Variants in SNX9 observed in about 807,000 individuals in gnomAD.
SNX9 encodes the protein sorting nexin 9, also known as sorting nexin-9.
Under a neutral mutation model 89.4 loss-of-function variants are expected in SNX9, and 44 were observed. That is an observed-to-expected ratio of 0.49 (90% CI 0.39 to 0.63). The LOEUF is 0.63. Ranked by LOEUF, SNX9 falls within the 30% of genes least tolerant of loss-of-function variation. The pLI, the probability that SNX9 is intolerant of heterozygous loss-of-function variation, is 0.00. For missense variants in SNX9, 578 were observed against 736.1 expected (o/e 0.79, Z 2.49); for synonymous variants, 236 against 247.8 (o/e 0.95, Z 0.45).
intron 1 of SNX9, 67 bp from the exon 2 acceptor site, chr6:157,867,480 C>CTGT: frequency 3.9e-6 from 5 of 1,288,772 alleles, no homozygotes; most frequent in South Asian, 1.3e-5. Flanking sequence ...GTGAACTGTA[C>CTGT]ACCTTTTGTG....
At chr6:157,883,683 AC>A (rs1199885414) in intron 4 of SNX9, among the ~76,000 whole-genome samples, 40 of 152,220 alleles carry the variant, frequency 2.6e-4, no homozygotes, top group African/African-American at 9.6e-4. Flanking sequence ...ATGCTGTCTC[AC>A]CTTTTATTTG....
In SNX9 at chr6:157,942,998, C is replaced by T. The variant is rs1784074369; in HGVS notation, c.*160C>T. On this transcript the variant is annotated 3_prime_UTR_variant, in exon 18 of 18. Transcript: ENST00000392185. ...TTTATTTTATTAGCCACCCTAAATG[C>T]GTCAGTTATTTAGGGATGGTCTTTT... 5.0e-6 allele frequency: 3 copies of T among 601,144 alleles called. No individual in the cohort carries two copies. The highest frequency in any genetic ancestry group is 5.0e-5 in the South Asian group (2 of 39,734). The allele number at this position is 601,144 out of a possible 1,614,324, so 37.2% of individuals were successfully genotyped here.
intron 1 of SNX9, among the ~76,000 whole-genome samples, chr6:157,841,721 CAG>C (rs1781706952): frequency 6.6e-6 from 1 of 152,176 alleles, no homozygotes; most frequent in African/African-American, 2.4e-5. Context: ...TCCAGGGTGA[CAG>C]AGCCCTGCTT....
chr6:157,921,778 T>C (rs1337503055), intron 10 of SNX9, 117 bp downstream of exon 10: 1 of 1,183,840 alleles, frequency 8.4e-7, no homozygotes, highest in Non-Finnish European at 1.2e-6. Context: ...CTTCCTCCAG[T>C]GACAGTGAGG....
At chr6:157,879,359 T>A (rs1400779785) in intron 4 of SNX9, among the ~76,000 whole-genome samples, 1 of 152,214 alleles carries the variant, frequency 6.6e-6, no homozygotes, top group Non-Finnish European at 1.5e-5. Flanking sequence ...GATAGAGGTA[T>A]GATTTTTTTA....
intron 1 of SNX9, among the ~76,000 whole-genome samples, chr6:157,853,534 T>C (rs572820722): frequency 7.2e-5 from 11 of 152,224 alleles, no homozygotes; most frequent in Non-Finnish European, 1.5e-4. Flanking sequence ...ACTTTTTCTG[T>C]CTTCCCCTCC....
chr6:157,866,516 T>G (rs7750227), intron 1 of SNX9, among the ~76,000 whole-genome samples: 44,390 of 151,920 alleles, frequency 0.29, 7,515 homozygotes, highest in African/African-American at 0.47. Flanking sequence ...CGAGGCTGCA[T>G]TGACCCATGA....
chr6:157,921,414 C>A, intron 9 of SNX9, 117 bp from the exon 10 acceptor site: 1 of 1,046,194 alleles, frequency 9.6e-7, no homozygotes, highest in Non-Finnish European at 1.3e-6. Context: ...TTACCTTTTG[C>A]TAAATAGCTT....
At chr6:157,832,731 C>A (rs2115105831) in intron 1 of SNX9, among the ~76,000 whole-genome samples, 1 of 152,258 alleles carries the variant, frequency 6.6e-6, no homozygotes, top group South Asian at 2.1e-4. Flanking sequence ...TGTGAGAATT[C>A]ATGAGAACAG....
intron 12 of SNX9, among the ~76,000 whole-genome samples, chr6:157,929,406 C>T (rs1214570047): frequency 6.6e-6 from 1 of 152,218 alleles, no homozygotes; most frequent in African/African-American, 2.4e-5. Context: ...ACTTGTCAGG[C>T]CCTGAAATGC....
intron 2 of SNX9, among the ~76,000 whole-genome samples, chr6:157,870,703 CCTG>C (rs964397689): frequency 3.4e-4 from 51 of 150,378 alleles, no homozygotes; most frequent in Admixed American, 2.4e-3. Context: ...GATAGTCTCA[CCTG>C]CTCTCATACA....
rs1036368200 is a variant in SNX9 at position 157,863,801 on chromosome 6, G to A, written c.13-3746G>A. Among the ~76,000 whole-genome samples, 151 of 152,130 alleles carry A rather than the reference G, an allele frequency of 9.9e-4. 7 individuals are homozygous for A. Among genetic ancestry groups the A allele is most frequent in the Admixed American group, 9.3e-3 (142 of 15,270 alleles). On this transcript the variant is annotated intron_variant, in intron 1 of 17. Coordinates refer to ENST00000392185, the MANE Select transcript of SNX9 (RefSeq NM_016224.5). ...GAAAAGAGGGGTGCTGGGAGATGAC[G>A]CCCAAAAGCTTTCAGTTTAATTGAA...
chr6:157,870,889 G>A (rs73573861), intron 2 of SNX9, among the ~76,000 whole-genome samples: 43 of 146,836 alleles, frequency 2.9e-4, no homozygotes, highest in Non-Finnish European at 5.0e-4. Flanking sequence ...GTGCAAGCAC[G>A]CACACACCCC....
chr6:157,903,814 C>T (rs1783156679), intron 6 of SNX9, among the ~76,000 whole-genome samples: 1 of 152,144 alleles, frequency 6.6e-6, no homozygotes, highest in Non-Finnish European at 1.5e-5. Flanking sequence ...ATCTCGAAAG[C>T]AAGGAGGTTG....
At chr6:157,884,909 A>T (rs1782702553) in intron 4 of SNX9, among the ~76,000 whole-genome samples, 1 of 152,134 alleles carries the variant, frequency 6.6e-6, no homozygotes, top group African/African-American at 2.4e-5. Flanking sequence ...ACCAGCCAGC[A>T]TTGTTATACG....
intron 1 of SNX9, among the ~76,000 whole-genome samples, chr6:157,855,016 T>C (rs7756860): frequency 0.12 from 18,955 of 151,658 alleles, 1,926 homozygotes; most frequent in African/African-American, 0.28. Context: ...GAAAATTCCT[T>C]TCCTATCTCT....
At chr6:157,863,785 G>A (rs2115131697) in intron 1 of SNX9, among the ~76,000 whole-genome samples, 1 of 152,216 alleles carries the variant, frequency 6.6e-6, no homozygotes, top group East Asian at 1.9e-4. Flanking sequence ...AGAAAAGAGG[G>A]GTGCTGGGAG....
chr6:157,903,438 C>G (rs995012966), intron 6 of SNX9, among the ~76,000 whole-genome samples: 1 of 152,134 alleles, frequency 6.6e-6, no homozygotes, highest in Non-Finnish European at 1.5e-5. Flanking sequence ...TATTTTCCTG[C>G]TCAATTGCAT....
intron 1 of SNX9, among the ~76,000 whole-genome samples, chr6:157,834,158 T>G (rs943159429): frequency 1.1e-5 from 1 of 94,804 alleles, no homozygotes; most frequent in Non-Finnish European, 2.0e-5. Context: ...TGGTTTTTTT[T>G]TTTTTTTTTT....
Sources: gnomAD v4.1 joint callset for allele counts (sites outside exome capture counted in the v4.1 genomes callset) on GRCh38, gnomAD v4.1.1 for gene constraint, MANE v1.5 for transcripts, NCBI Gene and HGNC (gene_info 2026-07-23, HGNC 2026-07-21) for gene names.